Variants in LRP12 observed in about 807,000 individuals in gnomAD.
LRP12 encodes the protein LDL receptor related protein 12, also known as low-density lipoprotein receptor-related protein 12.
Under a neutral mutation model 66.0 loss-of-function variants are expected in LRP12, and 14 were observed. That is an observed-to-expected ratio of 0.21 (90% CI 0.14 to 0.33). LRP12 has a LOEUF of 0.33. Among genes scored for constraint, LRP12 ranks in the 10% least tolerant of loss-of-function variants. The probability of loss-of-function intolerance (pLI) is 1.00; values close to 1 mark genes in which losing one functional copy is unlikely to be tolerated. For synonymous variants in LRP12, 357 were observed against 359.1 expected (o/e 0.99, Z 0.07); for missense variants, 889 against 1,053.4 (o/e 0.84, Z 2.16).
rs553768588 is a variant in LRP12, at chr8:104,496,018, G to T, written c.1581-809C>A. On this transcript the variant is annotated intron_variant, in intron 5 of 6. Transcript: ENST00000276654. ...TCTGTGTGCCACCTATTAGCCATCT[G>T]TTACGTAAAAAGTTGTTAAATCTAT... 12 of 151,928 alleles carry T rather than the reference G, an allele frequency of 7.9e-5. No homozygotes were observed. In the East Asian group the frequency reaches 2.3e-3, roughly 29 times the overall value. 9.4% of individuals were successfully genotyped at this position (151,928 alleles called of 1,614,324 possible).
At chr8:104,545,671 T>C (rs1249777442) in intron 1 of LRP12, among the ~76,000 whole-genome samples, 2 of 152,200 alleles carry the variant, frequency 1.3e-5, no homozygotes, top group African/African-American at 4.8e-5. Flanking sequence ...TTAAGGTATA[T>C]ATATTTTTTA....
chr8:104,525,403 T>A (rs1183263827), intron 2 of LRP12, among the ~76,000 whole-genome samples: 1 of 152,116 alleles, frequency 6.6e-6, no homozygotes, highest in African/African-American at 2.4e-5. Context: ...TTATCTTTCC[T>A]GGCAAGGATT....
intron 1 of LRP12, among the ~76,000 whole-genome samples, chr8:104,563,798 C>A (rs1395760504): frequency 2.0e-5 from 3 of 152,126 alleles, no homozygotes; most frequent in Non-Finnish European, 2.9e-5. Flanking sequence ...TCTGCCAGTG[C>A]CTCGATGCTG....
intron 1 of LRP12, among the ~76,000 whole-genome samples, chr8:104,551,104 T>C (rs1811718106): frequency 6.6e-6 from 1 of 152,196 alleles, no homozygotes; most frequent in Non-Finnish European, 1.5e-5. Flanking sequence ...TTATATATTT[T>C]GGATTCAGCA....
chr8:104,548,292 T>A (rs1178941755), intron 1 of LRP12, among the ~76,000 whole-genome samples: 1 of 69,698 alleles, frequency 1.4e-5, no homozygotes, highest in African/African-American at 8.3e-5. Flanking sequence ...ATATATCATA[T>A]ATTTATATAA....
chr8:104,546,910 A>T (rs1811569161), intron 1 of LRP12, among the ~76,000 whole-genome samples: 1 of 137,860 alleles, frequency 7.3e-6, no homozygotes, highest in Non-Finnish European at 1.5e-5. Flanking sequence ...TATATATATT[A>T]TATAATTATA....
At chr8:104,520,248 A>T (rs1197004156) in intron 2 of LRP12, among the ~76,000 whole-genome samples, 3 of 152,148 alleles carry the variant, frequency 2.0e-5, no homozygotes, top group Middle Eastern at 6.8e-3. Context: ...TGCCTTTTTT[A>T]AAGGGCTTAT....
intron 1 of LRP12, among the ~76,000 whole-genome samples, chr8:104,551,184 T>C (rs768383817): frequency 4.6e-5 from 7 of 152,180 alleles, no homozygotes; most frequent in Non-Finnish European, 1.0e-4. Flanking sequence ...CATGGAAAAG[T>C]TGAGTGCATT....
At chr8:104,548,353 A>T (rs1479328556) in intron 1 of LRP12, among the ~76,000 whole-genome samples, 6 of 49,144 alleles carry the variant, frequency 1.2e-4, no homozygotes, top group African/African-American at 7.8e-4. Context: ...ATAAATATAT[A>T]ATATATATTA....
chr8:104,551,606 C>T (rs529774301), intron 1 of LRP12, among the ~76,000 whole-genome samples: 32 of 152,184 alleles, frequency 2.1e-4, no homozygotes, highest in South Asian at 1.5e-3. Context: ...TGAGAATATG[C>T]GATATTTGGT....
At chr8:104,503,533 C>G (rs925296428) in intron 3 of LRP12, among the ~76,000 whole-genome samples, 1 of 151,944 alleles carries the variant, frequency 6.6e-6, no homozygotes, top group African/African-American at 2.4e-5. Flanking sequence ...CATATTTGTG[C>G]TCTGTGCCTA....
intron 1 of LRP12, among the ~76,000 whole-genome samples, chr8:104,587,481 C>T (rs1438080935): frequency 6.6e-6 from 1 of 152,146 alleles, no homozygotes; most frequent in East Asian, 1.9e-4. Flanking sequence ...ATTACCCCTA[C>T]ATAAAAAATG....
intron 1 of LRP12, among the ~76,000 whole-genome samples, chr8:104,558,342 G>A (rs1215847686): frequency 7.2e-5 from 11 of 152,234 alleles, no homozygotes; most frequent in African/African-American, 1.7e-4. Flanking sequence ...ACAAAAACAT[G>A]TATGAAGTGG....
chr8:104,586,236 A>G (rs1812329506), intron 1 of LRP12, among the ~76,000 whole-genome samples: 1 of 152,244 alleles, frequency 6.6e-6, no homozygotes, highest in Admixed American at 6.5e-5. Flanking sequence ...ATTTGGAAGT[A>G]CAACAGTCAC....
At chr8:104,501,456 T>C (rs957574787) in intron 3 of LRP12, among the ~76,000 whole-genome samples, 10 of 152,094 alleles carry the variant, frequency 6.6e-5, no homozygotes, top group Admixed American at 1.3e-4. Flanking sequence ...TCCTAGAACT[T>C]TGGGAGGCTG....
At position 104,490,584 on chromosome 8, in the gene LRP12, TAAACTAAAACTAG is replaced by T; in HGVS notation, c.*76_*88del. ...GAAATCACCCTGCATTTTTTCTTTT[TAAACTAAAACTAG>T]TTTAACTGTAAAGTTACAAAATAAT... On this transcript the variant is annotated 3_prime_UTR_variant, in exon 7 of 7. Transcript: ENST00000276654. 6.9e-7 allele frequency: 1 copy of T among 1,455,436 alleles called. No homozygotes were observed. The highest frequency in any genetic ancestry group is 9.2e-7 in the Non-Finnish European group (1 of 1,083,376). The allele number at this position is 1,455,436 out of a possible 1,614,324, so 90.2% of individuals were successfully genotyped here. A position where few individuals can be genotyped will look rare whatever the true frequency, so the allele number is the denominator to read the frequency against.
At chr8:104,513,132 T>C (rs548808709) in intron 2 of LRP12, among the ~76,000 whole-genome samples, 23 of 152,330 alleles carry the variant, frequency 1.5e-4, no homozygotes, top group African/African-American at 5.3e-4. Context: ...AGCCATAATG[T>C]ATTCCTTTCT....
chr8:104,577,923 C>T (rs1254896381), intron 1 of LRP12, among the ~76,000 whole-genome samples: 1 of 151,594 alleles, frequency 6.6e-6, no homozygotes, highest in Non-Finnish European at 1.5e-5. Context: ...AAATTTATAG[C>T]ACTAAATGCC....
Position 104,499,654 on chromosome 8 carries a change from T to C in LRP12, c.273-135A>G, listed in dbSNP as rs75308548. On this transcript the variant is annotated intron_variant, in intron 3 of 6. Coordinates refer to ENST00000276654, the MANE Select transcript of LRP12 (RefSeq NM_013437.5). Reference sequence around the variant, plus strand: ...CCTGGGTTTTCTAGGCATACAACCGTATCATTAGCAAATAATAATACTAAT... The same window carrying C: ...CCTGGGTTTTCTAGGCATACAACCGCATCATTAGCAAATAATAATACTAAT... 5.6e-3 allele frequency: 3,217 copies of C among 572,596 alleles called. 20 individuals are homozygous for C. Among genetic ancestry groups the C allele is most frequent in the Admixed American group, 0.011 (324 of 29,556 alleles). 35.5% of individuals were successfully genotyped at this position (572,596 alleles called of 1,614,324 possible). A position where few individuals can be genotyped will look rare whatever the true frequency, so the allele number is the denominator to read the frequency against.
Sources: gnomAD v4.1 joint callset for allele counts (sites outside exome capture counted in the v4.1 genomes callset) on GRCh38, gnomAD v4.1.1 for gene constraint, MANE v1.5 for transcripts, NCBI Gene and HGNC (gene_info 2026-07-23, HGNC 2026-07-21) for gene names.